The following MAGI2 variants were observed in gnomAD, a reference collection of about 807,000 sequenced individuals.
MAGI2 encodes membrane-associated guanylate kinase, WW and PDZ domain-containing protein 2.
Under a neutral mutation model 133.3 loss-of-function variants are expected in MAGI2, and 35 were observed. The observed-to-expected ratio is 0.26, with a 90% CI of 0.20 to 0.35. MAGI2 has a LOEUF of 0.35. Among genes scored for constraint, MAGI2 ranks in the 10% least tolerant of loss-of-function variants. MAGI2 has a pLI of 1.00. For missense variants in MAGI2, 1,636 were observed against 1,863.4 expected, an observed-to-expected ratio of 0.88 and a Z score of 2.25; for synonymous variants, 729 against 710.6, an observed-to-expected ratio of 1.03 and a Z score of -0.41.
Position 78,667,839 on chromosome 7 carries a change from C to T in MAGI2, c.419-40600G>A, listed in dbSNP as rs557592820. On this transcript the variant is annotated intron_variant, in intron 2 of 21. Transcript: ENST00000354212. ...AAGTCTTTGCTATTGTGAATAGTAC[C>T]GCAATAAACATACGTGTGCATGTGT... 9.3e-4 allele frequency among the ~76,000 whole-genome samples: 142 copies of T among 152,156 alleles called. 1 individual carries two copies. Among genetic ancestry groups the T allele is most frequent in the African/African-American group, 2.9e-3 (120 of 41,506 alleles).
At chr7:79,303,663 A>G (rs996280068) in intron 1 of MAGI2, among the ~76,000 whole-genome samples, 1 of 152,170 alleles carries the variant, frequency 6.6e-6, no homozygotes, top group Admixed American at 6.5e-5. Context: ...ATGAATGAAA[A>G]TCCATTAATG....
At chr7:78,478,799 G>A (rs1978325) in intron 6 of MAGI2, among the ~76,000 whole-genome samples, 1 of 151,770 alleles carries the variant, frequency 6.6e-6, no homozygotes, top group Non-Finnish European at 1.5e-5. Context: ...ATATCTTAGA[G>A]AGCACACCAG....
At chr7:78,315,229 A>G (rs1787286804) in intron 9 of MAGI2, among the ~76,000 whole-genome samples, 1 of 152,158 alleles carries the variant, frequency 6.6e-6, no homozygotes, top group African/African-American at 2.4e-5. Context: ...GGACATCAGT[A>G]AGCAATATGA....
At chr7:79,010,968 T>C (rs1808024904) in intron 1 of MAGI2, 1 of 152,114 alleles carries the variant, frequency 6.6e-6, no homozygotes, top group South Asian at 2.1e-4. Context: ...TCAAGTCTTT[T>C]CTCAACATGA....
At chr7:78,653,645 GC>G (rs1811817309) in intron 2 of MAGI2, among the ~76,000 whole-genome samples, 1 of 151,926 alleles carries the variant, frequency 6.6e-6, no homozygotes, top group Admixed American at 6.6e-5. Context: ...GGGTTTGGGG[GC>G]TAGGGGAGGG....
intron 9 of MAGI2, among the ~76,000 whole-genome samples, chr7:78,285,454 T>G (rs1012551355): frequency 6.6e-6 from 1 of 152,142 alleles, no homozygotes; most frequent in Non-Finnish European, 1.5e-5. Context: ...AAATAGATGA[T>G]GCTTATTTTA....
At chr7:79,293,763 C>T (rs1020556972) in intron 1 of MAGI2, among the ~76,000 whole-genome samples, 4 of 152,302 alleles carry the variant, frequency 2.6e-5, no homozygotes, top group African/African-American at 4.8e-5. Context: ...AAGCCTACAC[C>T]GGGAGACCTC....
intron 2 of MAGI2, among the ~76,000 whole-genome samples, chr7:78,876,737 T>C (rs74859830): frequency 7.1e-4 from 108 of 152,332 alleles, no homozygotes; most frequent in African/African-American, 2.5e-3. Flanking sequence ...CTGTTTGTTA[T>C]AGGACATTCA....
intron 2 of MAGI2, among the ~76,000 whole-genome samples, chr7:78,911,926 C>T (rs1249713672): frequency 6.6e-6 from 1 of 152,016 alleles, no homozygotes; most frequent in African/African-American, 2.4e-5. Flanking sequence ...CCAGGGAATA[C>T]TATGAGGCCA....
At chr7:78,250,211 C>T (rs13234980) in intron 10 of MAGI2, among the ~76,000 whole-genome samples, 22,547 of 151,860 alleles carry the variant, frequency 0.15, 2,249 homozygotes, top group Middle Eastern at 0.26. Flanking sequence ...ATGTTCTCTT[C>T]GACAATGAAA....
chr7:78,514,258 GTAATA>G (rs1795853364), intron 4 of MAGI2, among the ~76,000 whole-genome samples: 1 of 150,358 alleles, frequency 6.7e-6, no homozygotes, highest in Non-Finnish European at 1.5e-5. Flanking sequence ...AATATTAATA[GTAATA>G]TAATTACCAT....
At chr7:78,932,715 T>A (rs552140732) in intron 2 of MAGI2, among the ~76,000 whole-genome samples, 6 of 152,222 alleles carry the variant, frequency 3.9e-5, no homozygotes, top group African/African-American at 1.4e-4. Flanking sequence ...AGACATAGTA[T>A]TAAATTTGTA....
intron 9 of MAGI2, among the ~76,000 whole-genome samples, chr7:78,269,023 A>G (rs1390390352): frequency 6.6e-6 from 1 of 152,122 alleles, no homozygotes; most frequent in African/African-American, 2.4e-5. Flanking sequence ...CTTATGAGTG[A>G]GAACATGTGG....
At chr7:79,002,258 A>G (rs114774622) in intron 2 of MAGI2, among the ~76,000 whole-genome samples, 260 of 151,866 alleles carry the variant, frequency 1.7e-3, no homozygotes, top group African/African-American at 5.8e-3. Flanking sequence ...AGCTGGGACT[A>G]CTACAGGTGC....
chr7:78,377,032 T>C lies in MAGI2; in HGVS notation c.1046-7819A>G, dbSNP rs150466937. Among the ~76,000 whole-genome samples, 1,339 of 152,288 alleles carry C rather than the reference T, an allele frequency of 8.8e-3. 19 individuals carry two copies. Among genetic ancestry groups the C allele is most frequent in the Non-Finnish European group, 0.013 (902 of 68,012 alleles). ...CAACTTCTAGAAGCCTGTGTTAATC[T>C]ACCCATCCAACTATTTATCATCATC... On this transcript the variant is annotated intron_variant, in intron 6 of 21. Coordinates refer to ENST00000354212, the MANE Select transcript of MAGI2 (RefSeq NM_012301.4).
chr7:78,710,657 T>C (rs932890253), intron 2 of MAGI2, among the ~76,000 whole-genome samples: 1 of 152,096 alleles, frequency 6.6e-6, no homozygotes, highest in Admixed American at 6.6e-5. Context: ...CAGAGAGAAA[T>C]GCTCATAAAG....
intron 9 of MAGI2, among the ~76,000 whole-genome samples, chr7:78,322,353 A>C (rs1788090065): frequency 6.6e-6 from 1 of 152,248 alleles, no homozygotes; most frequent in African/African-American, 2.4e-5. Flanking sequence ...AAGACTTGGA[A>C]CCAACCTAAA....
chr7:79,106,444 A>C (rs575668005), intron 1 of MAGI2, among the ~76,000 whole-genome samples: 1 of 152,322 alleles, frequency 6.6e-6, no homozygotes, highest in African/African-American at 2.4e-5. Flanking sequence ...AAAAAGGGTA[A>C]ATTTTATATA....
chr7:78,722,047 T>C (rs570382187), intron 2 of MAGI2, among the ~76,000 whole-genome samples: 2 of 151,416 alleles, frequency 1.3e-5, no homozygotes, highest in East Asian at 3.9e-4. Flanking sequence ...AGGAAATAAG[T>C]ATACGTAATT....
Sources: gnomAD v4.1 joint callset for allele counts (sites outside exome capture counted in the v4.1 genomes callset) on GRCh38, gnomAD v4.1.1 for gene constraint, MANE v1.5 for transcripts, NCBI Gene and HGNC (gene_info 2026-07-23, HGNC 2026-07-21) for gene names.